The following RARB variants were observed in gnomAD, a reference collection of about 807,000 sequenced individuals.
The protein encoded by RARB is HBV-activated protein.
In RARB, 17 loss-of-function variants were observed where a neutral mutation model predicts 51.9. The observed-to-expected ratio is 0.33, with a 90% CI of 0.22 to 0.49. The LOEUF is 0.49. Among genes scored for constraint, RARB ranks in the 20% least tolerant of loss-of-function variants. RARB has a pLI of 0.99. For synonymous variants in RARB, 215 were observed against 195.4 expected, an observed-to-expected ratio of 1.10 and a Z score of -0.84; for missense variants, 369 against 550.8, an observed-to-expected ratio of 0.67 and a Z score of 3.30.
chr3:24,849,045 G>T (rs573698299), intron 1 of RARB, among the ~76,000 whole-genome samples: 3 of 152,258 alleles, frequency 2.0e-5, no homozygotes, highest in Admixed American at 1.3e-4. Flanking sequence ...ATCTGCAGGG[G>T]ATACTTTCCA....
At chr3:25,155,672 C>T (rs1446099764) in intron 4 of RARB, among the ~76,000 whole-genome samples, 1 of 152,154 alleles carries the variant, frequency 6.6e-6, no homozygotes, top group Non-Finnish European at 1.5e-5. Flanking sequence ...GCTTTATGAT[C>T]TCTCAGCTAC....
intron 3 of RARB, among the ~76,000 whole-genome samples, chr3:25,090,057 T>G (rs1699169724): frequency 6.6e-6 from 1 of 152,124 alleles, no homozygotes; most frequent in African/African-American, 2.4e-5. Flanking sequence ...AAAGCAGGAA[T>G]TAAAATCTAT....
intron 5 of RARB, among the ~76,000 whole-genome samples, chr3:25,392,144 G>A (rs1575366505): frequency 6.6e-6 from 1 of 152,230 alleles, no homozygotes; most frequent in East Asian, 1.9e-4. Flanking sequence ...TTGATGAATA[G>A]GGTGTCCTTT....
At position 25,501,245 on chromosome 3, in the gene RARB, G is replaced by A. The variant is rs933091242; in HGVS notation, c.370G>A (p.Val124Ile). The change falls in exon 3 of 8, where the codon GTT (valine) becomes ATT (isoleucine). Residue 124 changes from valine to isoleucine, a missense_variant. Transcript: ENST00000330688. Reference sequence around the variant, plus strand: ...CACTTGTCACCGAGATAAGAACTGTGTTATTAATAAAGTCACCAGGAATCG... The same window carrying A: ...CACTTGTCACCGAGATAAGAACTGTATTATTAATAAAGTCACCAGGAATCG... ...IYTCHRDKNC[V>I]INKVTRNRCQ... 1.9e-6 allele frequency: 3 copies of A among 1,611,750 alleles called. No individual in the cohort carries two copies. Among genetic ancestry groups the A allele is most frequent in the South Asian group, 1.1e-5 (1 of 90,530 alleles).
At chr3:25,455,254 C>T (rs1359408282) in intron 1 of RARB, among the ~76,000 whole-genome samples, 1 of 152,064 alleles carries the variant, frequency 6.6e-6, no homozygotes, top group Non-Finnish European at 1.5e-5. Flanking sequence ...CTTTGGACGT[C>T]GTTGTTTTTC....
intron 2 of RARB, among the ~76,000 whole-genome samples, chr3:24,985,425 GACTTTTCTGATAAACGTCAAGGGAAAAA>G (rs1377959834): frequency 2.0e-4 from 29 of 148,232 alleles, no homozygotes; most frequent in African/African-American, 7.2e-4. Context: ...AGAATTCTGT[GACTTTTCTGATAAACGTCAAGGGAAAAA>G]ACAGACAAAT....
chr3:25,066,742 T>C (rs1698671574), intron 3 of RARB, among the ~76,000 whole-genome samples: 1 of 150,604 alleles, frequency 6.6e-6, no homozygotes. Flanking sequence ...ATTCCAAAAA[T>C]ACCAAAAAAA....
At chr3:25,171,063 T>G (rs1401793489) in intron 4 of RARB, among the ~76,000 whole-genome samples, 2 of 152,204 alleles carry the variant, frequency 1.3e-5, no homozygotes, top group East Asian at 3.9e-4. Context: ...TTCTGGAAAA[T>G]GCAGTTTGAG....
intron 5 of RARB, among the ~76,000 whole-genome samples, chr3:25,190,640 A>G (rs568730554): frequency 3.9e-5 from 6 of 152,102 alleles, no homozygotes; most frequent in Non-Finnish European, 8.8e-5. Flanking sequence ...ATTAATTCCA[A>G]TCTGTTTATG....
chr3:25,344,651 A>G (rs1248887185), intron 5 of RARB, among the ~76,000 whole-genome samples: 1 of 152,256 alleles, frequency 6.6e-6, no homozygotes, highest in Non-Finnish European at 1.5e-5. Context: ...ACATTGACAC[A>G]GCTTGGCAAG....
chr3:25,264,708 C>T (rs562126151), intron 5 of RARB, among the ~76,000 whole-genome samples: 2 of 152,092 alleles, frequency 1.3e-5, no homozygotes, highest in South Asian at 4.2e-4. Context: ...CATAAGAATC[C>T]TACTAATAAT....
chr3:24,856,916 G>A (rs1214888698), intron 1 of RARB, among the ~76,000 whole-genome samples: 3 of 152,156 alleles, frequency 2.0e-5, no homozygotes, highest in Non-Finnish European at 2.9e-5. Context: ...GGATGGAGGA[G>A]TGTCAAGATG....
chr3:25,497,437 A>G (rs1393670864), intron 2 of RARB, among the ~76,000 whole-genome samples: 2 of 152,144 alleles, frequency 1.3e-5, no homozygotes, highest in Non-Finnish European at 2.9e-5. Flanking sequence ...TCTTTCGCCA[A>G]AATACCACCT....
At chr3:25,470,754 C>A (rs1695647325) in intron 2 of RARB, among the ~76,000 whole-genome samples, 1 of 152,114 alleles carries the variant, frequency 6.6e-6, no homozygotes, top group Non-Finnish European at 1.5e-5. Flanking sequence ...AGGTTAGGTC[C>A]CCCTCTTTTA....
At chr3:24,957,129 A>T (rs1696034837) in intron 2 of RARB, among the ~76,000 whole-genome samples, 1 of 152,180 alleles carries the variant, frequency 6.6e-6, no homozygotes, top group Non-Finnish European at 1.5e-5. Flanking sequence ...AAGAGCTATG[A>T]GCAGACAACA....
intron 1 of RARB, among the ~76,000 whole-genome samples, chr3:24,839,603 G>T (rs1702392229): frequency 6.6e-6 from 1 of 150,592 alleles, no homozygotes; most frequent in Non-Finnish European, 1.5e-5. Flanking sequence ...AGCTACTTGG[G>T]AGGCTGAGGT....
At chr3:25,181,661 T>C (rs1181945320) in intron 5 of RARB, among the ~76,000 whole-genome samples, 1 of 152,228 alleles carries the variant, frequency 6.6e-6, no homozygotes, top group African/African-American at 2.4e-5. Flanking sequence ...AAATAAATTA[T>C]GATGAACTGA....
chr3:25,315,580 A>G (rs1356519447), intron 5 of RARB, among the ~76,000 whole-genome samples: 1 of 152,024 alleles, frequency 6.6e-6, no homozygotes, highest in East Asian at 1.9e-4. Flanking sequence ...AAGACCATTT[A>G]CTTCTCCAGC....
chr3:24,961,407 G>A (rs544521422), intron 2 of RARB, among the ~76,000 whole-genome samples: 19 of 152,302 alleles, frequency 1.2e-4, no homozygotes, highest in Non-Finnish European at 2.2e-4. Context: ...TCATCACTCA[G>A]CTTCATGGAT....
Sources: allele counts gnomAD v4.1 joint callset (sites outside exome capture counted in the v4.1 genomes callset), GRCh38; gene constraint gnomAD v4.1.1; transcripts MANE v1.5; gene names NCBI Gene and HGNC (gene_info 2026-07-23, HGNC 2026-07-21).